Variants in RIPK2 observed in about 807,000 individuals in gnomAD.
The protein encoded by RIPK2 is receptor-interacting serine/threonine-protein kinase 2.
In RIPK2, 38 loss-of-function variants were observed where a neutral mutation model predicts 60.9. The ratio of observed to expected loss-of-function variants is 0.62; its 90% confidence interval spans 0.48 to 0.82. The LOEUF (loss-of-function observed/expected upper bound fraction) is 0.82, where lower values mean the gene tolerates loss of function less well. RIPK2 is among the 40% of genes least tolerant of loss of function. The probability of loss-of-function intolerance (pLI) is 0.00; values close to 1 mark genes in which losing one functional copy is unlikely to be tolerated. For synonymous variants in RIPK2, 225 were observed against 223.4 expected (o/e 1.01, Z -0.06); for missense variants, 518 against 647.0 (o/e 0.80, Z 2.16).
At chr8:89,758,663 A>AG (rs781275403) in intron 1 of RIPK2, among the ~76,000 whole-genome samples, 1 of 152,194 alleles carries the variant, frequency 6.6e-6, no homozygotes, top group Non-Finnish European at 1.5e-5. Flanking sequence ...TGCACTGTCC[A>AG]GTAGGTAGCT....
rs199568488 is a variant in RIPK2, at chr8:89,780,169, C to A, written c.939+9C>A. ...AGCTAAAGAAAACAAAGGTAAGTTG[C>A]TAAATGAAATGCTGGAAATTAGAAA... On this transcript the variant is annotated intron_variant, in intron 7 of 10. Transcript: ENST00000220751. 1.2e-4 allele frequency: 172 copies of A among 1,390,256 alleles called. No individual in the cohort carries two copies. The highest frequency in any genetic ancestry group is 1.7e-4 in the Non-Finnish European group (168 of 1,002,576). 86.1% of individuals were successfully genotyped at this position (1,390,256 alleles called of 1,614,324 possible).
intron 7 of RIPK2, among the ~76,000 whole-genome samples, chr8:89,783,074 G>A (rs39508): frequency 0.41 from 62,584 of 152,024 alleles, 13,278 homozygotes; most frequent in Non-Finnish European, 0.48. Flanking sequence ...ATACACAGAT[G>A]AATAAGAGTA....
intron 7 of RIPK2, among the ~76,000 whole-genome samples, chr8:89,782,547 A>G (rs953186809): frequency 3.9e-5 from 6 of 151,910 alleles, no homozygotes; most frequent in Admixed American, 1.3e-4. Flanking sequence ...GTACATGCCT[A>G]TAGTCCCAGT....
intron 7 of RIPK2, among the ~76,000 whole-genome samples, chr8:89,783,735 A>C (rs564452559): frequency 1.3e-5 from 2 of 152,312 alleles, no homozygotes; most frequent in Admixed American, 6.5e-5. Context: ...TTTATACCAG[A>C]TATTTCATAT....
intron 1 of RIPK2, 146 bp downstream of exon 1, chr8:89,758,379 G>A: frequency 1.3e-6 from 1 of 793,388 alleles, no homozygotes; most frequent in South Asian, 1.9e-5. Context: ...TTCAAGCTTG[G>A]GAGATAGGGA....
intron 6 of RIPK2, among the ~76,000 whole-genome samples, chr8:89,779,629 A>G (rs1224384045): frequency 6.6e-6 from 1 of 151,774 alleles, no homozygotes; most frequent in Non-Finnish European, 1.5e-5. Flanking sequence ...CCAATTTTCA[A>G]GTTTTTTAAT....
At chr8:89,765,602 A>G (rs1809214369) in intron 3 of RIPK2, 106 bp downstream of exon 3, 1 of 648,094 alleles carries the variant, frequency 1.5e-6, no homozygotes, top group African/African-American at 1.8e-5. Context: ...CCTTAGAGAT[A>G]GAGACTAATG....
rs148613024 is a variant in RIPK2 at position 89,785,898 on chromosome 8, A to G, written c.1030-695A>G. Among the ~76,000 whole-genome samples, 118 of 152,232 alleles carry G rather than the reference A, an allele frequency of 7.8e-4. 1 individual carries two copies. In the East Asian group the frequency reaches 0.018, roughly 23 times the overall value. On this transcript the variant is annotated intron_variant, in intron 8 of 10. Coordinates refer to ENST00000220751, the MANE Select transcript of RIPK2 (RefSeq NM_003821.6). ...AGTAAAATTCTCCATTACTTTTTCC[A>G]TGTTTTCCTGTGCCTCCATGTGGAA...
chr8:89,760,983 G>T (rs570907398), intron 1 of RIPK2, among the ~76,000 whole-genome samples: 1 of 152,200 alleles, frequency 6.6e-6, no homozygotes, highest in South Asian at 2.1e-4. Flanking sequence ...AATTAAAATG[G>T]GTCTCACAAA....
At chr8:89,759,602 A>G (rs964004524) in intron 1 of RIPK2, among the ~76,000 whole-genome samples, 1 of 152,134 alleles carries the variant, frequency 6.6e-6, no homozygotes, top group African/African-American at 2.4e-5. Flanking sequence ...GCTTGTTTCC[A>G]CTTCTTGTCT....
chr8:89,788,501 G>A (rs531719805), intron 9 of RIPK2, among the ~76,000 whole-genome samples: 1 of 151,946 alleles, frequency 6.6e-6, no homozygotes, highest in African/African-American at 2.4e-5. Context: ...TCATGGCTGA[G>A]TGTAGTGGCT....
intron 10 of RIPK2, 48 bp downstream of exon 10, chr8:89,789,530 C>T (rs2130593613): frequency 6.5e-7 from 1 of 1,544,752 alleles, no homozygotes; most frequent in African/African-American, 1.4e-5. Context: ...ATTGACCTTA[C>T]ATATCTGTGT....
At chr8:89,786,547 C>T (rs745706979) in intron 8 of RIPK2, 46 bp from the exon 9 acceptor site, 8 of 1,033,360 alleles carry the variant, frequency 7.7e-6, no homozygotes, top group East Asian at 2.4e-5. Flanking sequence ...AATTAAAGCT[C>T]GATAATTTTT....
intron 7 of RIPK2, among the ~76,000 whole-genome samples, chr8:89,782,026 C>T (rs1275956747): frequency 6.6e-6 from 1 of 152,124 alleles, no homozygotes; most frequent in African/African-American, 2.4e-5. Flanking sequence ...TGTGGTGGCA[C>T]ATGCCTGTAG....
intron 6 of RIPK2, among the ~76,000 whole-genome samples, chr8:89,773,071 T>C (rs538291483): frequency 6.6e-5 from 10 of 152,278 alleles, no homozygotes; most frequent in African/African-American, 2.4e-4. Flanking sequence ...TTAACAAATA[T>C]GTCTTAAACC....
intron 7 of RIPK2, chr8:89,780,850 T>A (rs1037132719): frequency 1.3e-5 from 2 of 152,038 alleles, no homozygotes; most frequent in African/African-American, 4.8e-5. Flanking sequence ...AAGGTAGCAG[T>A]AACAGTTTAT....
rs200872639 is a variant in RIPK2, at chr8:89,758,090, G to T, written c.30G>T (p.Leu10=). The T allele has an allele frequency of 3.7e-6, 6 of 1,606,720 alleles. No homozygotes were observed. The highest frequency in any genetic ancestry group is 8.5e-7 in the Non-Finnish European group (1 of 1,177,058). The change falls in exon 1 of 11, where the codon CTG becomes CTT. Residue 10 remains leucine, a synonymous_variant. Transcript: ENST00000220751. MNGEAICSA[L]PTIPYHKLAD... ...ACGGGGAGGCCATCTGCAGCGCCCT[G>T]CCCACCATTCCCTACCACAAACTCG...
intron 6 of RIPK2, among the ~76,000 whole-genome samples, chr8:89,773,211 C>T (rs1369767306): frequency 6.6e-6 from 1 of 152,022 alleles, no homozygotes; most frequent in African/African-American, 2.4e-5. Flanking sequence ...GCAAGATACA[C>T]AAATTGTGAC....
intron 3 of RIPK2, among the ~76,000 whole-genome samples, chr8:89,767,311 G>T (rs533155558): frequency 6.6e-6 from 1 of 151,490 alleles, no homozygotes; most frequent in Non-Finnish European, 1.5e-5. Flanking sequence ...GTATCATTTT[G>T]CTATACTTCT....
Sources: allele counts gnomAD v4.1 joint callset (sites outside exome capture counted in the v4.1 genomes callset), GRCh38; gene constraint gnomAD v4.1.1; transcripts MANE v1.5; gene names NCBI Gene and HGNC (gene_info 2026-07-23, HGNC 2026-07-21).